The following SLCO5A1 variants were observed in gnomAD, a reference collection of about 807,000 sequenced individuals.
The protein encoded by SLCO5A1 is organic anion transporter polypeptide-related protein 4.
SLCO5A1 carries 39 observed loss-of-function variants against 65.1 expected under a neutral mutation model. That is an observed-to-expected ratio of 0.60 (90% confidence interval 0.46 to 0.78). SLCO5A1 has a LOEUF of 0.78. SLCO5A1 is among the 30% of genes least tolerant of loss of function. SLCO5A1 has a pLI of 0.00. For synonymous variants in SLCO5A1, 438 were observed against 415.7 expected, an observed-to-expected ratio of 1.05 and a Z score of -0.65; for missense variants, 1,029 against 1,069.4, an observed-to-expected ratio of 0.96 and a Z score of 0.53.
intron 2 of SLCO5A1, among the ~76,000 whole-genome samples, chr8:69,768,660 C>G (rs982870586): frequency 3.3e-5 from 5 of 152,102 alleles, no homozygotes; most frequent in African/African-American, 1.2e-4. Context: ...AGGAAGAGAG[C>G]GTTCCGGTGT....
Position 69,829,170 on chromosome 8 carries a change from A to T in SLCO5A1, c.907+2597T>A, listed in dbSNP as rs747755083. 3.9e-5 allele frequency among the ~76,000 whole-genome samples: 6 copies of T among 152,356 alleles called. No individual in the cohort carries two copies. The South Asian group carries it at 1.0e-3, about 26-fold the overall frequency. On this transcript the variant is annotated intron_variant, in intron 2 of 9. Coordinates refer to ENST00000260126, the MANE Select transcript of SLCO5A1 (RefSeq NM_030958.3). The stretch of plus-strand genomic sequence containing the variant: ...ACGTCACTAATGAACAGCAAGGTGC[A>T]TGTAATATAAAACACCCAGCATTAC...
rs1019244115 is a variant in SLCO5A1 at position 69,670,454 on chromosome 8, A to T, written c.*2415T>A. ...AAAGCTTTATTTTCTCATGATTTTT[A>T]CTACTTAGTCTACATTCACCAACAA... On this transcript the variant is annotated 3_prime_UTR_variant, in exon 10 of 10. Transcript: ENST00000260126. 1.3e-5 allele frequency: 2 copies of T among 152,170 alleles called. No homozygotes were observed. Among genetic ancestry groups the T allele is most frequent in the Non-Finnish European group, 2.9e-5 (2 of 68,034 alleles). The allele number at this position is 152,170 out of a possible 1,614,324, so 9.4% of individuals were successfully genotyped here. A position where few individuals can be genotyped will look rare whatever the true frequency, so the allele number is the denominator to read the frequency against.
At chr8:69,819,029 G>A (rs749956749) in intron 2 of SLCO5A1, among the ~76,000 whole-genome samples, 1 of 151,786 alleles carries the variant, frequency 6.6e-6, no homozygotes, top group African/African-American at 2.4e-5. Flanking sequence ...GATTTTTTGT[G>A]GTTTACAGAG....
rs1443705390 is a variant in SLCO5A1, at chr8:69,786,579, AC to A, written c.908-24705del. The stretch of plus-strand genomic sequence containing the variant: ...TGGGTAATACTATTCATTAGTAAGA[AC>A]CCTTAGAAACAATCCATGATTTTGT... On this transcript the variant is annotated intron_variant, in intron 2 of 9. Coordinates refer to ENST00000260126, the MANE Select transcript of SLCO5A1 (RefSeq NM_030958.3). 2.0e-5 allele frequency among the ~76,000 whole-genome samples: 3 copies of A among 152,194 alleles called. 1 individual carries two copies. Among genetic ancestry groups the A allele is most frequent in the African/African-American group, 7.2e-5 (3 of 41,438 alleles).
chr8:69,798,012 A>C (rs1302553367), intron 2 of SLCO5A1, among the ~76,000 whole-genome samples: 2 of 152,150 alleles, frequency 1.3e-5, no homozygotes, highest in African/African-American at 4.8e-5. Context: ...ACCTGCCGAC[A>C]TGTGATGTCT....
At chr8:69,825,078 T>C (rs1156753574) in intron 2 of SLCO5A1, among the ~76,000 whole-genome samples, 2 of 152,130 alleles carry the variant, frequency 1.3e-5, no homozygotes, top group Non-Finnish European at 2.9e-5. Context: ...AATTCAACAA[T>C]GCTTCATGGT....
intron 2 of SLCO5A1, among the ~76,000 whole-genome samples, chr8:69,765,399 T>TACAC (rs1181613297): frequency 6.7e-6 from 1 of 149,696 alleles, no homozygotes; most frequent in Non-Finnish European, 1.5e-5. Context: ...TATATATATA[T>TACAC]ATACACACAC....
chr8:69,733,882 C>T (rs988270246), intron 5 of SLCO5A1, among the ~76,000 whole-genome samples: 1 of 152,168 alleles, frequency 6.6e-6, no homozygotes, highest in Non-Finnish European at 1.5e-5. Flanking sequence ...TGAGAACAGA[C>T]TAATACAAGG....
chr8:69,803,226 G>T (rs1383726751), intron 2 of SLCO5A1, among the ~76,000 whole-genome samples: 8 of 152,110 alleles, frequency 5.3e-5, no homozygotes. Context: ...GACCAGCCTG[G>T]CCAACATGGT....
intron 2 of SLCO5A1, among the ~76,000 whole-genome samples, chr8:69,805,588 T>C (rs572501716): frequency 5.3e-5 from 8 of 152,324 alleles, no homozygotes; most frequent in Admixed American, 3.9e-4. Flanking sequence ...ATGCCTACTT[T>C]TATGGAATTC....
chr8:69,771,442 G>A lies in SLCO5A1; in HGVS notation c.908-9567C>T, dbSNP rs1431572587. Among the ~76,000 whole-genome samples, 3 of 151,928 alleles carry A rather than the reference G, an allele frequency of 2.0e-5. 1 individual carries two copies. The highest frequency in any genetic ancestry group is 4.4e-5 in the Non-Finnish European group (3 of 67,990). On this transcript the variant is annotated intron_variant, in intron 2 of 9. Coordinates refer to ENST00000260126, the MANE Select transcript of SLCO5A1 (RefSeq NM_030958.3). ...ACTTTTTTAGTGCTGTTTGTATTAGGCTAAATTTATTTGTAGCAATTATCT... is the reference window on the plus strand; with the variant it reads ...ACTTTTTTAGTGCTGTTTGTATTAGACTAAATTTATTTGTAGCAATTATCT...
At chr8:69,831,717 G>GTT in intron 2 of SLCO5A1, 50 bp downstream of exon 2, 1 of 1,527,294 alleles carries the variant, frequency 6.5e-7, no homozygotes, top group Non-Finnish European at 8.9e-7. Context: ...TGTAAGGAAA[G>GTT]TAAGTTTCAG....
At chr8:69,688,046 A>G (rs1027181379) in intron 6 of SLCO5A1, among the ~76,000 whole-genome samples, 1 of 152,066 alleles carries the variant, frequency 6.6e-6, no homozygotes, top group African/African-American at 2.4e-5. Context: ...CTTGGTTACA[A>G]AATTTCAAAC....
Position 69,673,275 on chromosome 8 carries a change from A to G in SLCO5A1, c.2141T>C (p.Met714Thr). The change falls in exon 10 of 10, where the codon ATG (methionine) becomes ACG (threonine). Residue 714 changes from methionine (M) to threonine (T), a missense_variant. Around this residue, in one of 3 missense-constraint regions of SLCO5A1, gnomAD observed 258 missense variants for 237.4 expected, o/e 1.09. Transcript: ENST00000260126. ...YFGAVIDTTC[M>T]LWQQECGVQG... ...CACACCACATTCCTGTTGCCAGAGC[A>G]TGCAGGTGGTGTCAATGACTGCTCC... is the stretch of plus-strand genomic sequence containing the variant. 1 of 1,614,256 alleles carries G rather than the reference A, an allele frequency of 6.2e-7. No individual in the cohort carries two copies. The highest frequency in any genetic ancestry group is 8.5e-7 in the Non-Finnish European group (1 of 1,180,030).
intron 5 of SLCO5A1, among the ~76,000 whole-genome samples, chr8:69,706,795 T>C (rs1046683896): frequency 2.0e-5 from 3 of 152,234 alleles, no homozygotes; most frequent in African/African-American, 7.2e-5. Context: ...GTTAACTTTA[T>C]AATTATCTTT....
At chr8:69,819,125 C>T (rs1447613807) in intron 2 of SLCO5A1, among the ~76,000 whole-genome samples, 1 of 152,154 alleles carries the variant, frequency 6.6e-6, no homozygotes, top group Non-Finnish European at 1.5e-5. Context: ...TGTATTCCCA[C>T]TCTCAATGTC....
intron 2 of SLCO5A1, among the ~76,000 whole-genome samples, chr8:69,821,040 T>C (rs149161527): frequency 0.011 from 1,619 of 152,332 alleles, 9 homozygotes; most frequent in Non-Finnish European, 0.017. Context: ...GGGCCAATTC[T>C]AGCCCTTCTC....
intron 4 of SLCO5A1, among the ~76,000 whole-genome samples, chr8:69,739,388 G>A (rs1010633511): frequency 1.3e-5 from 2 of 151,946 alleles, no homozygotes; most frequent in African/African-American, 4.8e-5. Flanking sequence ...TAAACATCTG[G>A]GAAAAATATA....
Position 69,671,242 on chromosome 8 carries a change from G to A in SLCO5A1, c.*1627C>T, listed in dbSNP as rs551458981. The A allele has an allele frequency of 7.2e-5, 11 of 152,352 alleles. No homozygotes were observed. Among genetic ancestry groups the A allele is most frequent in the Admixed American group, 5.2e-4 (8 of 15,292 alleles). 9.4% of individuals were successfully genotyped at this position (152,352 alleles called of 1,614,324 possible). On this transcript the variant is annotated 3_prime_UTR_variant, in exon 10 of 10. Coordinates refer to ENST00000260126, the MANE Select transcript of SLCO5A1 (RefSeq NM_030958.3). ...AGAGAGGGAAACAGCCTTATACCCA[G>A]GAGTATTTGCACAATTCCACCTGTG... is the stretch of plus-strand genomic sequence containing the variant.
Sources: gnomAD v4.1 joint callset for allele counts (sites outside exome capture counted in the v4.1 genomes callset) on GRCh38, gnomAD v4.1.1 for gene constraint, gnomAD v4.1.1 regional missense constraint, MANE v1.5 for transcripts, NCBI Gene and HGNC (gene_info 2026-07-23, HGNC 2026-07-21) for gene names.